CPS1: variants seen among roughly 807,000 people sequenced by gnomAD.
The protein encoded by CPS1 is carbamoyl-phosphate synthase [ammonia], mitochondrial.
Under a neutral mutation model 174.6 loss-of-function variants are expected in CPS1, and 109 were observed. The ratio of observed to expected loss-of-function variants is 0.62; its 90% CI spans 0.53 to 0.73. The LOEUF is 0.73. CPS1 is among the 30% of genes least tolerant of loss of function. CPS1 has a pLI of 0.00. For missense variants in CPS1, 1,689 were observed against 1,821.9 expected (o/e 0.93, Z 1.33); for synonymous variants, 637 against 632.0 (o/e 1.01, Z -0.12).
At chr2:210,498,237 A>G (rs1401822977) in intron 1 of CPS1, among the ~76,000 whole-genome samples, 1 of 151,944 alleles carries the variant, frequency 6.6e-6, no homozygotes, top group East Asian at 1.9e-4. Flanking sequence ...TCTTGTTAGA[A>G]GTGTCTGTCC....
intron 27 of CPS1, among the ~76,000 whole-genome samples, chr2:210,649,790 G>T (rs142089199): frequency 6.6e-6 from 1 of 152,224 alleles, no homozygotes; most frequent in East Asian, 1.9e-4. Context: ...ATTGATTTCA[G>T]ATAGCATTTT....
intron 16 of CPS1, among the ~76,000 whole-genome samples, chr2:210,604,594 A>T (rs1159597373): frequency 2.0e-5 from 3 of 151,930 alleles, no homozygotes; most frequent in Admixed American, 6.6e-5. Flanking sequence ...CAAGTTTTAT[A>T]TGCCATCTTG....
intron 7 of CPS1, among the ~76,000 whole-genome samples, chr2:210,588,729 TACACATACAC>T (rs1370942301): frequency 2.6e-5 from 4 of 152,120 alleles, no homozygotes; most frequent in South Asian, 4.1e-4. Flanking sequence ...CTCCCCTCCA[TACACATACAC>T]ACACATACAC....
chr2:210,551,078 T>C (rs574440489), intron 1 of CPS1, among the ~76,000 whole-genome samples: 1 of 152,096 alleles, frequency 6.6e-6, no homozygotes, highest in East Asian at 1.9e-4. Context: ...TTGCTATATA[T>C]GCTTTTTGGC....
At position 210,606,806 on chromosome 2, in the gene CPS1, A is replaced by C. The variant is rs188345599; in HGVS notation, c.2057A>C (p.Asn686Thr). The change falls in exon 18 of 38, where the codon AAT (asparagine) becomes ACT (threonine). Residue 686 changes from asparagine (N) to threonine (T), a missense_variant. Transcript: ENST00000233072. ...EFQMLRRTSI[N>T]VVRHLGIVGE... ...CAGATGTTGAGACGTACTTCAATCA[A>C]TGTTGTTCGCCACTTGGGCATTGTG... 6.2e-7 allele frequency: 1 copy of C among 1,612,570 alleles called. No individual in the cohort carries two copies. The highest frequency in any genetic ancestry group is 1.3e-5 in the African/African-American group (1 of 74,890).
In CPS1 at chr2:210,497,637, A is replaced by G. The variant is rs1053231795; in HGVS notation, c.3+19871A>G. Among the ~76,000 whole-genome samples the G allele has an allele frequency of 6.6e-5, 10 of 151,994 alleles. 1 individual carries two copies. Among genetic ancestry groups the G allele is most frequent in the Non-Finnish European group, 1.5e-4 (10 of 67,980 alleles). The stretch of plus-strand genomic sequence containing the variant: ...TTAGGTCCCACTTATAGGCAAGAAC[A>G]TGCAGTATTTGGTGTTTTGTTCCTG... On this transcript the variant is annotated intron_variant, in intron 1 of 38. Coordinates refer to the CPS1 transcript ENST00000430249.
intron 4 of CPS1, 148 bp downstream of exon 4, chr2:210,577,658 G>C (rs1295247808): frequency 1.4e-6 from 1 of 733,242 alleles, no homozygotes; most frequent in African/African-American, 1.7e-5. Context: ...CTACATAAAG[G>C]CTGAAATGTC....
intron 1 of CPS1, among the ~76,000 whole-genome samples, chr2:210,526,917 A>G (rs1372696405): frequency 2.6e-5 from 4 of 151,966 alleles, no homozygotes; most frequent in Non-Finnish European, 5.9e-5. Flanking sequence ...TATCTATGAC[A>G]TTTCTATTTG....
At chr2:210,600,079 T>A (rs1374891959) in intron 14 of CPS1, among the ~76,000 whole-genome samples, 3 of 151,722 alleles carry the variant, frequency 2.0e-5, no homozygotes, top group Admixed American at 2.0e-4. Flanking sequence ...TTTAGCTAGT[T>A]TGGGTAAGCA....
chr2:210,483,732 A>T (rs1694637112), intron 1 of CPS1, among the ~76,000 whole-genome samples: 1 of 152,244 alleles, frequency 6.6e-6, no homozygotes, highest in South Asian at 2.1e-4. Flanking sequence ...AGTTCAAATA[A>T]ACTGGCATAG....
intron 1 of CPS1, among the ~76,000 whole-genome samples, chr2:210,533,150 C>T (rs1203214231): frequency 6.6e-6 from 1 of 152,092 alleles, no homozygotes; most frequent in Non-Finnish European, 1.5e-5. Flanking sequence ...CTATCTCTGT[C>T]TTTCCCATAC....
rs565604848 is a variant in CPS1, at chr2:210,511,670, G to A, written c.3+33904G>A. Among the ~76,000 whole-genome samples, 14 of 152,120 alleles carry A rather than the reference G, an allele frequency of 9.2e-5. 1 individual carries two copies. In the South Asian group the frequency reaches 2.5e-3, roughly 27 times the overall value. On this transcript the variant is annotated intron_variant, in intron 1 of 38. Coordinates refer to the CPS1 transcript ENST00000430249. The stretch of plus-strand genomic sequence containing the variant: ...GTGATAGGCTCACGTGATACTCCCG[G>A]TCAAACCTAATGAGACAAGGACGGT...
intron 33 of CPS1, among the ~76,000 whole-genome samples, chr2:210,666,348 A>G (rs13017341): frequency 0.15 from 22,509 of 149,862 alleles, 1,803 homozygotes; most frequent in African/African-American, 0.22. Flanking sequence ...CCATTTGTCA[A>G]TTTTGGCTTT....
At chr2:210,647,572 A>T (rs1700418919) in intron 25 of CPS1, among the ~76,000 whole-genome samples, 1 of 152,254 alleles carries the variant, frequency 6.6e-6, no homozygotes, top group Non-Finnish European at 1.5e-5. Context: ...TATAGCATAG[A>T]GTACATAGCA....
At chr2:210,482,672 G>C (rs1032263007) in intron 1 of CPS1, among the ~76,000 whole-genome samples, 3 of 80,968 alleles carry the variant, frequency 3.7e-5, no homozygotes, top group Non-Finnish European at 7.7e-5. Context: ...GAGAGAGAGA[G>C]AGAAAGAGAG....
chr2:210,610,207 T>G (rs1574588983), intron 19 of CPS1, among the ~76,000 whole-genome samples: 1 of 151,968 alleles, frequency 6.6e-6, no homozygotes, highest in East Asian at 1.9e-4. Context: ...CCTTTTTAAA[T>G]AATGTTCACC....
At chr2:210,567,511 A>T (rs1697340675) in intron 1 of CPS1, among the ~76,000 whole-genome samples, 1 of 152,182 alleles carries the variant, frequency 6.6e-6, no homozygotes, top group African/African-American at 2.4e-5. Context: ...AGCATTTTAG[A>T]TGAAAAGTAA....
chr2:210,643,184 G>A (rs906139159), intron 25 of CPS1, among the ~76,000 whole-genome samples: 2 of 152,148 alleles, frequency 1.3e-5, no homozygotes, highest in African/African-American at 4.8e-5. Flanking sequence ...TGAGTTCATT[G>A]TGAATAATTT....
intron 34 of CPS1, 81 bp downstream of exon 34, chr2:210,668,365 A>G (rs1701176148): frequency 2.1e-6 from 2 of 954,042 alleles, no homozygotes. Context: ...TAATTGTGGT[A>G]TAGAGGAAGG....
Sources: gnomAD v4.1 joint callset for allele counts (sites outside exome capture counted in the v4.1 genomes callset) on GRCh38, gnomAD v4.1.1 for gene constraint, MANE v1.5 for transcripts, NCBI Gene and HGNC (gene_info 2026-07-23, HGNC 2026-07-21) for gene names.